The following RNLS variants were observed in gnomAD, a reference collection of about 807,000 sequenced individuals.
RNLS encodes the protein renalase.
Under a neutral mutation model 39.8 loss-of-function variants are expected in RNLS, and 39 were observed. The observed-to-expected ratio is 0.98, with a 90% CI of 0.76 to 1.28. The LOEUF (loss-of-function observed/expected upper bound fraction) is 1.28. Among genes scored for constraint, RNLS ranks in the 50% most tolerant of loss-of-function variants. RNLS has a pLI of 0.00. For synonymous variants in RNLS, 147 were observed against 150.7 expected, an observed-to-expected ratio of 0.98 and a Z score of 0.18; for missense variants, 410 against 413.3, an observed-to-expected ratio of 0.99 and a Z score of 0.07.
chr10:88,237,121 G>A, the RNLS span, among the ~76,000 whole-genome samples: 13 of 150,924 alleles, frequency 8.6e-5, no homozygotes, highest in African/African-American at 3.2e-4. Context: ...TTCTAGGGTT[G>A]GTTTTTTTTT....
In RNLS at chr10:88,381,605, A is replaced by G. The variant is rs536089147; in HGVS notation, c.527-18880T>C. The stretch of plus-strand genomic sequence containing the variant: ...CCTTGAATTTTCCCTCTAATTGTAG[A>G]TGACCGTCCCTTTGAATTATAGATT... On this transcript the variant is annotated intron_variant, in intron 4 of 6. Coordinates refer to ENST00000331772, the MANE Select transcript of RNLS (RefSeq NM_001031709.3). 4.6e-5 allele frequency among the ~76,000 whole-genome samples: 7 copies of G among 152,134 alleles called. No homozygotes were observed. In the South Asian group the frequency reaches 1.2e-3, roughly 27 times the overall value.
At position 88,450,530 on chromosome 10, in the gene RNLS, G is replaced by A. The variant is rs115305340; in HGVS notation, c.527-87805C>T. ...TAAGTACTGAGAAGGCCATAAAACC[G>A]GAAGTCAAAGGAGGACTATGAATAC... On this transcript the variant is annotated intron_variant, in intron 4 of 6. Coordinates refer to ENST00000331772, the MANE Select transcript of RNLS (RefSeq NM_001031709.3). 6.2e-3 allele frequency among the ~76,000 whole-genome samples: 940 copies of A among 152,242 alleles called. 13 individuals are homozygous for A. The highest frequency in any genetic ancestry group is 0.022 in the African/African-American group (916 of 41,556).
At chr10:88,341,544 A>AT (rs1847961718) in intron 5 of RNLS, among the ~76,000 whole-genome samples, 1 of 152,014 alleles carries the variant, frequency 6.6e-6, no homozygotes, top group Non-Finnish European at 1.5e-5. Context: ...ACTACAGTCA[A>AT]TTTTTTTATT....
chr10:88,548,810 T>G (rs576826883), intron 4 of RNLS, among the ~76,000 whole-genome samples: 1 of 151,662 alleles, frequency 6.6e-6, no homozygotes, highest in Non-Finnish European at 1.5e-5. Flanking sequence ...TCTATAATTC[T>G]GAATAAATCT....
the RNLS span, among the ~76,000 whole-genome samples, chr10:88,181,465 T>C: frequency 6.6e-6 from 1 of 152,174 alleles, no homozygotes; most frequent in Non-Finnish European, 1.5e-5. Flanking sequence ...TTTGTGCTGT[T>C]TTCGGCAACT....
At chr10:88,211,803 A>G in the RNLS span, among the ~76,000 whole-genome samples, 1 of 152,222 alleles carries the variant, frequency 6.6e-6, no homozygotes, top group Non-Finnish European at 1.5e-5. Flanking sequence ...GGACTGCTGT[A>G]GGATTTTAAG....
intron 4 of RNLS, among the ~76,000 whole-genome samples, chr10:88,496,833 T>A (rs1334443324): frequency 6.6e-6 from 1 of 152,138 alleles, no homozygotes; most frequent in Non-Finnish European, 1.5e-5. Context: ...AACTATAATC[T>A]ACTTAGTCTT....
chr10:88,535,770 T>C (rs1847721382), intron 4 of RNLS, among the ~76,000 whole-genome samples: 1 of 152,090 alleles, frequency 6.6e-6, no homozygotes, highest in South Asian at 2.1e-4. Context: ...TGAGAAACTA[T>C]CTCAGTAACT....
At chr10:88,235,359 CCAAAG>C in the RNLS span, among the ~76,000 whole-genome samples, 1 of 151,212 alleles carries the variant, frequency 6.6e-6, no homozygotes, top group African/African-American at 2.4e-5. Context: ...ATGCTAGTAT[CCAAAG>C]CAAACAAGCA....
At chr10:88,562,244 A>G (rs995409494) in intron 4 of RNLS, among the ~76,000 whole-genome samples, 7 of 152,164 alleles carry the variant, frequency 4.6e-5, no homozygotes, top group Non-Finnish European at 1.0e-4. Context: ...GATGTTTTTC[A>G]AGGCATAGCA....
the RNLS span, among the ~76,000 whole-genome samples, chr10:88,209,881 T>G: frequency 3.0e-4 from 46 of 152,320 alleles, no homozygotes; most frequent in East Asian, 7.7e-3. Flanking sequence ...TTATCTCCAT[T>G]TTACAAGAGA....
Position 88,497,166 on chromosome 10 carries a change from A to G in RNLS, c.526+75737T>C, listed in dbSNP as rs61855404. Among the ~76,000 whole-genome samples the G allele has an allele frequency of 2.2e-3, 332 of 152,244 alleles. 1 individual carries two copies. The highest frequency in any genetic ancestry group is 3.4e-3 in the Non-Finnish European group (228 of 67,976). ...AATGAGTTCAAAGTTGTTTTGGAAGACAAACGGAAATTGTTGAAAATATTA... is the reference window on the plus strand; with the variant it reads ...AATGAGTTCAAAGTTGTTTTGGAAGGCAAACGGAAATTGTTGAAAATATTA... On this transcript the variant is annotated intron_variant, in intron 4 of 6. Transcript: ENST00000331772.
chr10:88,325,941 C>G (rs880794), intron 5 of RNLS, among the ~76,000 whole-genome samples: 18,631 of 152,170 alleles, frequency 0.12, 1,477 homozygotes, highest in East Asian at 0.33. Context: ...CACTTCGCTC[C>G]TCACTCTTTT....
the RNLS span, among the ~76,000 whole-genome samples, chr10:88,229,720 A>G: frequency 6.6e-6 from 1 of 152,162 alleles, no homozygotes; most frequent in Non-Finnish European, 1.5e-5. Context: ...TTCTGTCCAC[A>G]TGGATTTATC....
At chr10:88,449,539 T>C (rs940857212) in intron 4 of RNLS, among the ~76,000 whole-genome samples, 7 of 152,316 alleles carry the variant, frequency 4.6e-5, no homozygotes, top group Non-Finnish European at 8.8e-5. Context: ...TAATAATTTT[T>C]ATTAACTCAT....
At chr10:88,512,751 G>A (rs1188204339) in intron 4 of RNLS, among the ~76,000 whole-genome samples, 1 of 152,070 alleles carries the variant, frequency 6.6e-6, no homozygotes, top group Non-Finnish European at 1.5e-5. Flanking sequence ...TGCCCAACGA[G>A]CACTTTACTC....
chr10:88,371,236 C>A (rs1850535035), intron 4 of RNLS, among the ~76,000 whole-genome samples: 2 of 152,012 alleles, frequency 1.3e-5, no homozygotes, highest in Admixed American at 1.3e-4. Context: ...TAGCACATAA[C>A]AAGTGTATTG....
chr10:88,467,933 C>T (rs1843304589), intron 4 of RNLS, among the ~76,000 whole-genome samples: 1 of 152,220 alleles, frequency 6.6e-6, no homozygotes, highest in African/African-American at 2.4e-5. Context: ...GCATATTACA[C>T]TTTGGGAAGC....
chr10:88,370,294 T>A (rs952604384), intron 4 of RNLS, among the ~76,000 whole-genome samples: 1 of 152,140 alleles, frequency 6.6e-6, no homozygotes, highest in Non-Finnish European at 1.5e-5. Context: ...ATTATGAAGA[T>A]TTTAATGTTA....
Sources: gnomAD v4.1 joint callset for allele counts (sites outside exome capture counted in the v4.1 genomes callset) on GRCh38, gnomAD v4.1.1 for gene constraint, MANE v1.5 for transcripts, NCBI Gene and HGNC (gene_info 2026-07-23, HGNC 2026-07-21) for gene names.